The following DLG2 variants were observed in gnomAD, a reference collection of about 807,000 sequenced individuals.
The protein encoded by DLG2 is disks large homolog 2.
Under a neutral mutation model 132.5 loss-of-function variants are expected in DLG2, and 45 were observed. The observed-to-expected ratio is 0.34, with a 90% CI of 0.27 to 0.44. The LOEUF is 0.44. Among genes scored for constraint, DLG2 ranks in the 20% least tolerant of loss-of-function variants. DLG2 has a pLI of 1.00. For missense variants in DLG2, 1,045 were observed against 1,196.9 expected (o/e 0.87, Z 1.87); for synonymous variants, 424 against 419.6 (o/e 1.01, Z -0.13).
chr11:85,571,340 ATT>A (rs2077833444), intron 3 of DLG2, among the ~76,000 whole-genome samples: 2 of 151,986 alleles, frequency 1.3e-5, no homozygotes, highest in South Asian at 4.1e-4. Flanking sequence ...AGTTTTTTGT[ATT>A]CTTTGTCATG....
intron 6 of DLG2, among the ~76,000 whole-genome samples, chr11:84,883,468 AAAAAT>A (rs140552826): frequency 6.6e-6 from 1 of 151,872 alleles, no homozygotes; most frequent in Non-Finnish European, 1.5e-5. Flanking sequence ...CACAAAAGTA[AAAAAT>A]AAAATAAAAT....
At chr11:84,270,413 C>T (rs1197900786) in intron 7 of DLG2, among the ~76,000 whole-genome samples, 2 of 152,120 alleles carry the variant, frequency 1.3e-5, no homozygotes, top group Admixed American at 6.5e-5. Context: ...AAATCAAATC[C>T]TGAAACTTTG....
intron 6 of DLG2, chr11:85,021,097 TCTTAATTGCCTGAAGAGTCA>T (rs2060025222): frequency 2.6e-6 from 2 of 778,816 alleles, no homozygotes; most frequent in East Asian, 4.9e-5. Context: ...GTCAACTCCT[TCTTAATTGCCTGAAGAGTCA>T]TCTGCTTTCA....
chr11:84,723,579 T>C (rs900355927), intron 6 of DLG2, among the ~76,000 whole-genome samples: 4 of 152,142 alleles, frequency 2.6e-5, no homozygotes, highest in African/African-American at 9.7e-5. Context: ...ATGCATTCCA[T>C]AGTTACAGCC....
intron 3 of DLG2, among the ~76,000 whole-genome samples, chr11:85,308,516 T>A (rs2080111111): frequency 1.3e-5 from 2 of 152,130 alleles, no homozygotes; most frequent in Admixed American, 1.3e-4. Context: ...TTCTTCTCCC[T>A]AAGAGCAAAG....
chr11:83,946,492 A>G (rs1271703606), intron 14 of DLG2, among the ~76,000 whole-genome samples: 3 of 152,176 alleles, frequency 2.0e-5, no homozygotes, highest in Non-Finnish European at 4.4e-5. Context: ...TTCACAGGTG[A>G]CTAATGGGCT....
At chr11:85,461,811 T>G (rs1456728227) in intron 3 of DLG2, among the ~76,000 whole-genome samples, 1 of 152,100 alleles carries the variant, frequency 6.6e-6, no homozygotes, top group African/African-American at 2.4e-5. Flanking sequence ...TGGGATCTAA[T>G]TAAACTAAAG....
chr11:84,396,738 C>T (rs1443526897), intron 7 of DLG2, among the ~76,000 whole-genome samples: 2 of 152,188 alleles, frequency 1.3e-5, no homozygotes, highest in Non-Finnish European at 1.5e-5. Context: ...ATCCTTAATA[C>T]CATTGGGAAA....
intron 15 of DLG2, among the ~76,000 whole-genome samples, chr11:83,925,178 T>C (rs894128105): frequency 3.9e-5 from 6 of 152,106 alleles, no homozygotes; most frequent in Non-Finnish European, 7.4e-5. Flanking sequence ...CACAAGCAGC[T>C]GGGTTTCAGT....
chr11:84,493,981 T>A (rs1262635032), intron 7 of DLG2, among the ~76,000 whole-genome samples: 1 of 152,136 alleles, frequency 6.6e-6, no homozygotes, highest in Non-Finnish European at 1.5e-5. Context: ...GATCCATGAA[T>A]GGATTCAGTT....
intron 6 of DLG2, among the ~76,000 whole-genome samples, chr11:84,871,406 AC>A (rs1269272834): frequency 1.3e-5 from 2 of 152,174 alleles, no homozygotes; most frequent in African/African-American, 4.8e-5. Flanking sequence ...TGGCTTAACA[AC>A]CTTCACAACC....
intron 6 of DLG2, among the ~76,000 whole-genome samples, chr11:84,700,080 T>C (rs1220420357): frequency 6.6e-6 from 1 of 151,700 alleles, no homozygotes; most frequent in Non-Finnish European, 1.5e-5. Context: ...ATATAATAGG[T>C]AGTTAATAAA....
At chr11:85,544,956 C>T (rs1274646926) in intron 3 of DLG2, among the ~76,000 whole-genome samples, 1 of 151,952 alleles carries the variant, frequency 6.6e-6, no homozygotes, top group East Asian at 1.9e-4. Flanking sequence ...TTGACTTCCT[C>T]TTTTCCTAAT....
intron 18 of DLG2, among the ~76,000 whole-genome samples, chr11:83,663,376 T>G (rs1312402596): frequency 1.3e-5 from 2 of 152,106 alleles, no homozygotes; most frequent in Non-Finnish European, 2.9e-5. Context: ...ATCTCAGAGG[T>G]TAAGAGTTGT....
chr11:83,854,656 G>A (rs2060239019), intron 16 of DLG2, among the ~76,000 whole-genome samples: 1 of 152,098 alleles, frequency 6.6e-6, no homozygotes, highest in Admixed American at 6.6e-5. Flanking sequence ...TGGAGATACT[G>A]TAGGAGAAAA....
At chr11:84,719,693 T>A (rs1346325387) in intron 6 of DLG2, among the ~76,000 whole-genome samples, 1 of 152,184 alleles carries the variant, frequency 6.6e-6, no homozygotes, top group Non-Finnish European at 1.5e-5. Flanking sequence ...GACAGTTATT[T>A]ACTACAAACT....
chr11:83,644,515 A>C (rs992273470), intron 18 of DLG2, among the ~76,000 whole-genome samples: 11 of 152,088 alleles, frequency 7.2e-5, no homozygotes, highest in African/African-American at 2.7e-4. Context: ...CCTCAATCTG[A>C]AGATTACCTT....
At chr11:84,145,193 T>C (rs1235131651) in intron 9 of DLG2, among the ~76,000 whole-genome samples, 1 of 152,208 alleles carries the variant, frequency 6.6e-6, no homozygotes, top group Non-Finnish European at 1.5e-5. Context: ...CATTGCAGAT[T>C]TTGTCTAAAA....
chr11:85,610,887 C>T (rs948180444), intron 2 of DLG2, among the ~76,000 whole-genome samples: 1 of 152,114 alleles, frequency 6.6e-6, no homozygotes, highest in Non-Finnish European at 1.5e-5. Context: ...GGGCTTTTGC[C>T]GACTATGGAT....
Sources: allele counts gnomAD v4.1 joint callset (sites outside exome capture counted in the v4.1 genomes callset), GRCh38; gene constraint gnomAD v4.1.1; transcripts MANE v1.5; gene names NCBI Gene and HGNC (gene_info 2026-07-23, HGNC 2026-07-21).